ETV6: variants seen among roughly 807,000 people sequenced by gnomAD.
ETV6 encodes the protein ETS variant transcription factor 6, also known as transcription factor ETV6.
A neutral mutation model predicts 51.1 loss-of-function variants in ETV6; 16 were observed. The ratio of observed to expected loss-of-function variants is 0.31; its 90% CI spans 0.21 to 0.48. The LOEUF (loss-of-function observed/expected upper bound fraction) is 0.48, where lower values mean the gene tolerates loss of function less well. ETV6 is among the 20% of genes least tolerant of loss of function. The pLI is 0.99. For synonymous variants in ETV6, 240 were observed against 224.1 expected, an observed-to-expected ratio of 1.07 and a Z score of -0.64; for missense variants, 458 against 594.8, an observed-to-expected ratio of 0.77 and a Z score of 2.39.
At chr12:11,859,144 T>C (rs1161892482) in intron 4 of ETV6, among the ~76,000 whole-genome samples, 6 of 106,926 alleles carry the variant, frequency 5.6e-5, no homozygotes, top group African/African-American at 1.3e-4. Context: ...TTTTTTTTTT[T>C]TTTTTTTTTT....
At chr12:11,829,928 T>G (rs1946216762) in intron 2 of ETV6, among the ~76,000 whole-genome samples, 2 of 152,210 alleles carry the variant, frequency 1.3e-5, no homozygotes, top group Non-Finnish European at 2.9e-5. Context: ...GATAGCACAT[T>G]CAAGATTACA....
At chr12:11,682,639 A>G (rs1864552864) in intron 1 of ETV6, among the ~76,000 whole-genome samples, 1 of 152,230 alleles carries the variant, frequency 6.6e-6, no homozygotes, top group African/African-American at 2.4e-5. Flanking sequence ...GTCTTTGCCC[A>G]TGCCTATGAC....
intron 1 of ETV6, among the ~76,000 whole-genome samples, chr12:11,658,626 A>G (rs1864045841): frequency 6.6e-6 from 1 of 151,754 alleles, no homozygotes; most frequent in Non-Finnish European, 1.5e-5. Flanking sequence ...GAGTCAGCTG[A>G]CTCCCTGCAC....
intron 1 of ETV6, among the ~76,000 whole-genome samples, chr12:11,709,618 C>G (rs969584331): frequency 1.3e-5 from 2 of 152,208 alleles, no homozygotes; most frequent in Non-Finnish European, 2.9e-5. Flanking sequence ...GGCCACAGTG[C>G]TCATATGTAT....
At chr12:11,837,708 C>T (rs10505763) in intron 2 of ETV6, among the ~76,000 whole-genome samples, 3,762 of 152,272 alleles carry the variant, frequency 0.025, 94 homozygotes, top group South Asian at 0.11. Context: ...TAGTGAGAGA[C>T]GGAAGCTCCT....
chr12:11,677,925 A>G (rs1591602551), intron 1 of ETV6, among the ~76,000 whole-genome samples: 2 of 152,332 alleles, frequency 1.3e-5, no homozygotes, highest in East Asian at 3.9e-4. Context: ...TGGCACAGGT[A>G]GGTGCTTCCC....
At chr12:11,846,903 C>T (rs908969985) in intron 3 of ETV6, among the ~76,000 whole-genome samples, 5 of 152,166 alleles carry the variant, frequency 3.3e-5, no homozygotes, top group Non-Finnish European at 5.9e-5. Context: ...GATGGAGTCT[C>T]GCTCTGTCGC....
At chr12:11,687,254 CG>C (rs1432880580) in intron 1 of ETV6, among the ~76,000 whole-genome samples, 3 of 148,968 alleles carry the variant, frequency 2.0e-5, no homozygotes, top group African/African-American at 4.9e-5. Context: ...TCCGGCTCCC[CG>C]CTCCCCACGC....
intron 5 of ETV6, among the ~76,000 whole-genome samples, chr12:11,882,379 A>G (rs567102082): frequency 3.3e-5 from 5 of 152,330 alleles, no homozygotes; most frequent in African/African-American, 1.2e-4. Context: ...GAGACTAGAA[A>G]TTGCATTGGG....
chr12:11,875,632 A>AG (rs34268017), intron 5 of ETV6, among the ~76,000 whole-genome samples: 10,630 of 152,280 alleles, frequency 0.07, 542 homozygotes, highest in South Asian at 0.11. Context: ...TTTCAAAGGT[A>AG]GAAGGGCCTT....
In ETV6 at chr12:11,795,927, G is replaced by C. The variant is rs147084213; in HGVS notation, c.164-43213G>C. Among the ~76,000 whole-genome samples, 408 of 152,308 alleles carry C rather than the reference G, an allele frequency of 2.7e-3. 2 individuals are homozygous for C. The highest frequency in any genetic ancestry group is 0.01 in the Middle Eastern group (3 of 294). On this transcript the variant is annotated intron_variant, in intron 2 of 7. Transcript: ENST00000396373. Reference sequence around the variant, plus strand: ...GTCACACAGCAAGGACTCAGTAAATGTTAGCCAAGAGGGGAGGAAGGAGGC... The same window carrying C: ...GTCACACAGCAAGGACTCAGTAAATCTTAGCCAAGAGGGGAGGAAGGAGGC...
chr12:11,791,358 G>A (rs184323437), intron 2 of ETV6, among the ~76,000 whole-genome samples: 1 of 152,316 alleles, frequency 6.6e-6, no homozygotes, highest in East Asian at 1.9e-4. Context: ...TCTGATGAAT[G>A]TTGACAGTCT....
At chr12:11,859,148 T>G (rs960491843) in intron 4 of ETV6, among the ~76,000 whole-genome samples, 1 of 80,170 alleles carries the variant, frequency 1.2e-5, no homozygotes, top group East Asian at 5.9e-4. Flanking sequence ...TTTTTTTTTT[T>G]TTTTTTTTTT....
chr12:11,873,786 C>G (rs1174719564), intron 5 of ETV6, among the ~76,000 whole-genome samples: 1 of 112,004 alleles, frequency 8.9e-6, no homozygotes, highest in Non-Finnish European at 1.8e-5. Flanking sequence ...CATGAAAGAG[C>G]TGAGCACAGT....
chr12:11,787,546 G>A (rs917721804), intron 2 of ETV6, among the ~76,000 whole-genome samples: 2 of 152,118 alleles, frequency 1.3e-5, no homozygotes, highest in African/African-American at 2.4e-5. Flanking sequence ...TTTCTATTGG[G>A]AGTACTGCTC....
chr12:11,717,015 C>T (rs1034564472), intron 1 of ETV6, among the ~76,000 whole-genome samples: 2 of 152,160 alleles, frequency 1.3e-5, no homozygotes, highest in African/African-American at 4.8e-5. Flanking sequence ...CATCCAAGCC[C>T]GTATTTCAGC....
At chr12:11,738,075 G>C (rs1865737486) in intron 1 of ETV6, among the ~76,000 whole-genome samples, 1 of 152,084 alleles carries the variant, frequency 6.6e-6, no homozygotes, top group African/African-American at 2.4e-5. Context: ...GTGGTGTCTT[G>C]GGTGTATCTT....
rs540079173 is a variant in ETV6, at chr12:11,848,099, G to A, written c.329-5328G>A. On this transcript the variant is annotated intron_variant, in intron 3 of 7. Transcript: ENST00000396373. ...TTGCCAGATTTTGTGAGACATGTCTGTTCACGCTTATGACAATTGCAAGAG... is the reference window on the plus strand; with the variant it reads ...TTGCCAGATTTTGTGAGACATGTCTATTCACGCTTATGACAATTGCAAGAG... Among the ~76,000 whole-genome samples the A allele has an allele frequency of 2.5e-3, 383 of 152,336 alleles. 2 individuals are homozygous for A. The highest frequency in any genetic ancestry group is 8.8e-3 in the African/African-American group (364 of 41,584).
rs185258434 is a variant in ETV6, at chr12:11,726,799, A to G, written c.34-25651A>G. ...GAAAAGTACAGATTATTTCAGGATT[A>G]AGCATATGAGTACTTAGGCTAGAGA... On this transcript the variant is annotated intron_variant, in intron 1 of 7. Coordinates refer to ENST00000396373, the MANE Select transcript of ETV6 (RefSeq NM_001987.5). Among the ~76,000 whole-genome samples the G allele has an allele frequency of 5.8e-3, 884 of 152,312 alleles. 7 individuals carry two copies. The highest frequency in any genetic ancestry group is 0.02 in the African/African-American group (836 of 41,578).
Sources: allele counts gnomAD v4.1 joint callset (sites outside exome capture counted in the v4.1 genomes callset), GRCh38; gene constraint gnomAD v4.1.1; transcripts MANE v1.5; gene names NCBI Gene and HGNC (gene_info 2026-07-23, HGNC 2026-07-21).